Variants in C12orf42 observed in about 807,000 individuals in gnomAD.
The protein encoded by C12orf42 is chromosome 12 open reading frame 42, also known as uncharacterized protein C12orf42.
Under a neutral mutation model 21.6 loss-of-function variants are expected in C12orf42, and 25 were observed. That is an observed-to-expected ratio of 1.16 (90% CI 0.84 to 1.62). C12orf42 has a LOEUF of 1.62. Ranked by LOEUF, C12orf42 falls within the 40% of genes most tolerant of loss-of-function variation. The probability of loss-of-function intolerance (pLI) is 0.00; values close to 1 mark genes in which losing one functional copy is unlikely to be tolerated. For missense variants in C12orf42, 483 were observed against 459.3 expected (o/e 1.05, Z -0.47); for synonymous variants, 174 against 175.0 (o/e 0.99, Z 0.05).
At chr12:103,514,102 A>G in the C12orf42 span, among the ~76,000 whole-genome samples, 3 of 152,340 alleles carry the variant, frequency 2.0e-5, no homozygotes, top group Admixed American at 6.5e-5. Flanking sequence ...CCTTCTTCAC[A>G]TGGCTGCAGG....
At chr12:103,447,748 A>G (rs977818664) in intron 2 of C12orf42, among the ~76,000 whole-genome samples, 2 of 152,038 alleles carry the variant, frequency 1.3e-5, no homozygotes, top group South Asian at 2.1e-4. Context: ...AGGAGGTGAA[A>G]GACCTGTATA....
chr12:103,445,129 G>A (rs1002024278), intron 2 of C12orf42, among the ~76,000 whole-genome samples: 3 of 151,908 alleles, frequency 2.0e-5, no homozygotes, highest in Non-Finnish European at 4.4e-5. Flanking sequence ...AGGGGTAGAC[G>A]CTATGTGAGT....
chr12:103,119,869 A>T, the C12orf42 span, among the ~76,000 whole-genome samples: 1 of 152,214 alleles, frequency 6.6e-6, no homozygotes, highest in East Asian at 1.9e-4. Flanking sequence ...CAGTTTTGCC[A>T]TTTCAATCCA....
the C12orf42 span, among the ~76,000 whole-genome samples, chr12:103,187,767 T>C: frequency 6.6e-6 from 1 of 152,160 alleles, no homozygotes; most frequent in South Asian, 2.1e-4. Flanking sequence ...TGGAATAAAG[T>C]TTTGGGTAAG....
chr12:103,267,503 T>C (rs2035229327), downstream of C12orf42: 2 of 152,264 alleles, frequency 1.3e-5, no homozygotes, highest in South Asian at 4.1e-4. Flanking sequence ...TGTATGTCAA[T>C]TTGTGTAAAT....
At chr12:103,066,196 T>C in the C12orf42 span, among the ~76,000 whole-genome samples, 18 of 152,192 alleles carry the variant, frequency 1.2e-4, no homozygotes, top group African/African-American at 4.1e-4. Context: ...GGTCATCAAG[T>C]CATCATGTGA....
chr12:103,515,448 C>G, the C12orf42 span, among the ~76,000 whole-genome samples: 1 of 152,176 alleles, frequency 6.6e-6, no homozygotes, highest in African/African-American at 2.4e-5. Context: ...AAGCACCTGG[C>G]ACAGATTTGC....
chr12:103,492,582 T>C (rs1955251979), intron 1 of C12orf42, among the ~76,000 whole-genome samples: 1 of 152,358 alleles, frequency 6.6e-6, no homozygotes, highest in Non-Finnish European at 1.5e-5. Context: ...TTTCTCCAGC[T>C]CATGACTTTT....
At chr12:103,551,030 T>C in the C12orf42 span, among the ~76,000 whole-genome samples, 1 of 152,082 alleles carries the variant, frequency 6.6e-6, no homozygotes, top group Non-Finnish European at 1.5e-5. Flanking sequence ...ACTTATAGTG[T>C]TATTTTTATA....
chr12:103,143,352 C>A, the C12orf42 span, among the ~76,000 whole-genome samples: 2 of 152,206 alleles, frequency 1.3e-5, no homozygotes, highest in African/African-American at 4.8e-5. Flanking sequence ...CAAAATCTGG[C>A]AGAGGATCTG....
chr12:103,101,372 A>G, the C12orf42 span, among the ~76,000 whole-genome samples: 4 of 152,182 alleles, frequency 2.6e-5, no homozygotes, highest in African/African-American at 9.7e-5. Flanking sequence ...AAAGTTGATT[A>G]TTCTCATAGG....
the C12orf42 span, among the ~76,000 whole-genome samples, chr12:103,112,366 C>G: frequency 6.6e-6 from 1 of 152,156 alleles, no homozygotes; most frequent in African/African-American, 2.4e-5. Flanking sequence ...CCTGATTTAA[C>G]TACTTCATTG....
the C12orf42 span, among the ~76,000 whole-genome samples, chr12:103,122,060 A>C: frequency 6.6e-6 from 1 of 152,242 alleles, no homozygotes. Flanking sequence ...ACAGCAGTGC[A>C]AAAAGTATTT....
chr12:103,562,756 C>T, the C12orf42 span, among the ~76,000 whole-genome samples: 2 of 152,202 alleles, frequency 1.3e-5, no homozygotes, highest in Non-Finnish European at 2.9e-5. Context: ...TAGGCCCTTC[C>T]TCAGAATTCT....
the C12orf42 span, among the ~76,000 whole-genome samples, chr12:103,069,610 G>A: frequency 3.1e-3 from 472 of 152,274 alleles, 10 homozygotes; most frequent in East Asian, 0.054. Flanking sequence ...TACTGCATGC[G>A]TATTGCTTTT....
Position 103,302,374 on chromosome 12 carries a change from C to T in C12orf42, c.817G>A (p.Val273Ile). ...GCCATGGCAACCGCGCCTTTTCCGA[C>T]GGGATTTCCGGACGCGCCCAGGAGT... ...SRLLGASGNP[V>I]GKGAVAMAPE... The change falls in exon 6 of 6, where the codon GTC (valine) becomes ATC (isoleucine). Residue 273 changes from valine to isoleucine, a missense_variant. Physicochemically the swap from Val to Ile is conservative, Grantham distance 29. Transcript: ENST00000548883. The T allele has an allele frequency of 6.2e-7, 1 of 1,613,930 alleles. No homozygotes were observed. Among genetic ancestry groups the T allele is most frequent in the Non-Finnish European group, 8.5e-7 (1 of 1,179,878 alleles).
At chr12:103,371,409 T>C (rs887752862) in intron 3 of C12orf42, among the ~76,000 whole-genome samples, 2 of 152,154 alleles carry the variant, frequency 1.3e-5, no homozygotes, top group Non-Finnish European at 2.9e-5. Flanking sequence ...AATCCAGTTG[T>C]ACCAGTCATG....
the C12orf42 span, among the ~76,000 whole-genome samples, chr12:103,107,236 C>T: frequency 1.6e-4 from 24 of 151,866 alleles, no homozygotes; most frequent in East Asian, 7.7e-4. Flanking sequence ...TTATAAGTCA[C>T]GAAAAATTTT....
At chr12:103,295,365 T>C (rs2037187408) in intron 4 of C12orf42, among the ~76,000 whole-genome samples, 1 of 152,100 alleles carries the variant, frequency 6.6e-6, no homozygotes, top group African/African-American at 2.4e-5. Flanking sequence ...CTTTTCTAAA[T>C]TGGAGGTTCT....
Sources: gnomAD v4.1 joint callset for allele counts (sites outside exome capture counted in the v4.1 genomes callset) on GRCh38, gnomAD v4.1.1 for gene constraint, MANE v1.5 for transcripts, NCBI Gene and HGNC (gene_info 2026-07-23, HGNC 2026-07-21) for gene names.